Variants in ATXN7L1 observed in about 807,000 individuals in gnomAD.
ATXN7L1 encodes ataxin 7 like 1.
A neutral mutation model predicts 70.8 loss-of-function variants in ATXN7L1; 15 were observed. That is an observed-to-expected ratio of 0.21 (90% CI 0.14 to 0.33). ATXN7L1 has a LOEUF of 0.33. Among genes scored for constraint, ATXN7L1 ranks in the 10% least tolerant of loss-of-function variants. The probability of loss-of-function intolerance (pLI) is 1.00; values close to 1 mark genes in which losing one functional copy is unlikely to be tolerated. For synonymous variants in ATXN7L1, 440 were observed against 445.1 expected, an observed-to-expected ratio of 0.99 and a Z score of 0.14; for missense variants, 975 against 1,097.1, an observed-to-expected ratio of 0.89 and a Z score of 1.57.
chr7:105,761,558 C>T, intron 3 of ATXN7L1: 1 of 1,486,146 alleles, frequency 6.7e-7, no homozygotes, highest in South Asian at 1.2e-5. Flanking sequence ...ATGCCAATTG[C>T]CATGTTTCCC....
rs552611096 is a variant in ATXN7L1 at position 105,628,039 on chromosome 7, T to A, written c.1203-3772A>T. Among the ~76,000 whole-genome samples, 6 of 151,626 alleles carry A rather than the reference T, an allele frequency of 4.0e-5. No homozygotes were observed. In the South Asian group the frequency reaches 1.0e-3, roughly 26 times the overall value. ...TTTGTATTTTTAGTAGAGACGGGGT[T>A]TCAGCATCTTGGCCAGGCTGGTCTT... On this transcript the variant is annotated intron_variant, in intron 7 of 11. Transcript: ENST00000419735.
chr7:105,656,261 C>T (rs542698669), intron 4 of ATXN7L1, among the ~76,000 whole-genome samples: 10 of 152,348 alleles, frequency 6.6e-5, no homozygotes, highest in Admixed American at 1.3e-4. Context: ...AAATGCTCAT[C>T]GGAGCTCAAA....
At chr7:105,742,990 G>A (rs1487454453) in intron 3 of ATXN7L1, among the ~76,000 whole-genome samples, 1 of 152,094 alleles carries the variant, frequency 6.6e-6, no homozygotes, top group African/African-American at 2.4e-5. Context: ...GCCAAAATCA[G>A]GAAGTGATTC....
At chr7:105,628,788 A>G (rs994138988) in intron 7 of ATXN7L1, among the ~76,000 whole-genome samples, 1 of 136,098 alleles carries the variant, frequency 7.3e-6, no homozygotes, top group Admixed American at 8.4e-5. Flanking sequence ...GCGAGACTCC[A>G]TCTCAAATAA....
chr7:105,757,643 G>A (rs1055669027), intron 3 of ATXN7L1, among the ~76,000 whole-genome samples: 4 of 146,400 alleles, frequency 2.7e-5, no homozygotes, highest in African/African-American at 7.6e-5. Flanking sequence ...GCAGTGGCAC[G>A]GTCACAGCTC....
intron 4 of ATXN7L1, among the ~76,000 whole-genome samples, chr7:105,663,401 T>TA (rs1802018547): frequency 6.6e-6 from 1 of 152,252 alleles, no homozygotes; most frequent in Non-Finnish European, 1.5e-5. Context: ...TTTACTAAGT[T>TA]ATCATAATTT....
At chr7:105,815,983 G>A (rs1481189969) in intron 2 of ATXN7L1, among the ~76,000 whole-genome samples, 2 of 152,210 alleles carry the variant, frequency 1.3e-5, no homozygotes, top group Admixed American at 6.5e-5. Flanking sequence ...TGTAAGAAAG[G>A]AAACCTAATC....
intron 7 of ATXN7L1, among the ~76,000 whole-genome samples, chr7:105,627,879 C>CT (rs1203274738): frequency 8.4e-6 from 1 of 119,274 alleles, no homozygotes; most frequent in African/African-American, 3.3e-5. Context: ...GAGTCTTGCT[C>CT]TGTCACCCAG....
At chr7:105,706,168 T>C (rs1793130317) in intron 3 of ATXN7L1, among the ~76,000 whole-genome samples, 2 of 152,078 alleles carry the variant, frequency 1.3e-5, no homozygotes, top group Admixed American at 1.3e-4. Flanking sequence ...AAGAGCATCA[T>C]AGTTGTTTTT....
intron 3 of ATXN7L1, among the ~76,000 whole-genome samples, chr7:105,766,855 C>A (rs561965054): frequency 1.3e-5 from 2 of 152,346 alleles, no homozygotes; most frequent in Non-Finnish European, 2.9e-5. Flanking sequence ...GTGCCAGGAG[C>A]CATCACTTCA....
intron 3 of ATXN7L1, among the ~76,000 whole-genome samples, chr7:105,666,987 C>T (rs1802706175): frequency 6.6e-6 from 1 of 152,200 alleles, no homozygotes; most frequent in Non-Finnish European, 1.5e-5. Flanking sequence ...AGCCTCCTTC[C>T]ACTCAATCAC....
chr7:105,621,894 T>TG (rs35729467), intron 8 of ATXN7L1, among the ~76,000 whole-genome samples: 28,573 of 152,110 alleles, frequency 0.19, 3,496 homozygotes, highest in Non-Finnish European at 0.25. Context: ...ATTGGTGTTT[T>TG]GGGGGGTTTC....
At chr7:105,783,001 T>C (rs1284758709) in intron 3 of ATXN7L1, among the ~76,000 whole-genome samples, 2 of 152,238 alleles carry the variant, frequency 1.3e-5, no homozygotes, top group Non-Finnish European at 2.9e-5. Context: ...GACAATCCTT[T>C]CTTTATTCCC....
intron 3 of ATXN7L1, chr7:105,760,952 G>T: frequency 5.6e-6 from 1 of 178,736 alleles, no homozygotes; most frequent in Non-Finnish European, 1.1e-5. Context: ...AGACTTTGTA[G>T]CCATGATAAT....
intron 2 of ATXN7L1, among the ~76,000 whole-genome samples, chr7:105,853,547 C>A (rs770188275): frequency 1.5e-4 from 22 of 151,374 alleles, no homozygotes; most frequent in Admixed American, 1.2e-3. Context: ...GAGCAAGACT[C>A]GGTCTCAAAA....
intron 2 of ATXN7L1, among the ~76,000 whole-genome samples, chr7:105,791,600 G>C (rs1292849444): frequency 2.0e-5 from 3 of 152,136 alleles, no homozygotes; most frequent in African/African-American, 7.2e-5. Flanking sequence ...AAACAAAAGG[G>C]ATCCAAGTTC....
chr7:105,812,546 C>G (rs147382399), intron 2 of ATXN7L1, among the ~76,000 whole-genome samples: 2 of 152,278 alleles, frequency 1.3e-5, no homozygotes, highest in Admixed American at 1.3e-4. Flanking sequence ...TGTCTTTACT[C>G]GAGTCCTTAA....
chr7:105,695,675 G>C (rs1033016228), intron 3 of ATXN7L1, among the ~76,000 whole-genome samples: 1 of 152,168 alleles, frequency 6.6e-6, no homozygotes, highest in Non-Finnish European at 1.5e-5. Flanking sequence ...ATGGTTTGGG[G>C]GATCGCTTCT....
At chr7:105,738,357 G>A (rs1343065489) in intron 3 of ATXN7L1, among the ~76,000 whole-genome samples, 1 of 152,162 alleles carries the variant, frequency 6.6e-6, no homozygotes, top group Non-Finnish European at 1.5e-5. Context: ...CCCACCACCA[G>A]GAGTGCCCTT....
Sources: allele counts gnomAD v4.1 joint callset (sites outside exome capture counted in the v4.1 genomes callset), GRCh38; gene constraint gnomAD v4.1.1; transcripts MANE v1.5; gene names NCBI Gene and HGNC (gene_info 2026-07-23, HGNC 2026-07-21).